The following RNF216 variants were observed in gnomAD, a reference collection of about 807,000 sequenced individuals.
RNF216 encodes ring finger protein 216.
A neutral mutation model predicts 110.8 loss-of-function variants in RNF216; 72 were observed. The observed-to-expected ratio is 0.65, with a 90% CI of 0.54 to 0.79. The LOEUF is 0.79. Among genes scored for constraint, RNF216 ranks in the 30% least tolerant of loss-of-function variants. RNF216 has a pLI of 0.00. For missense variants in RNF216, 1,342 were observed against 1,141.2 expected, an observed-to-expected ratio of 1.18 and a Z score of -2.54; for synonymous variants, 495 against 407.5, an observed-to-expected ratio of 1.21 and a Z score of -2.59.
At chr7:5,742,586 CTTTTTTTTTTTTT>C (rs59545890) in intron 3 of RNF216, among the ~76,000 whole-genome samples, 2,053 of 66,216 alleles carry the variant, frequency 0.031, 63 homozygotes, top group African/African-American at 0.12. Context: ...GGTGAAAAAT[CTTTTTTTTTTTTT>C]TTTTTTTTTT....
intron 13 of RNF216, among the ~76,000 whole-genome samples, chr7:5,661,191 C>T (rs1232514102): frequency 1.3e-5 from 2 of 152,054 alleles, no homozygotes; most frequent in Non-Finnish European, 2.9e-5. Context: ...CTGCCCACCT[C>T]GGCCTCCCAA....
At chr7:5,734,474 TCTTTA>T (rs1466189233) in intron 5 of RNF216, among the ~76,000 whole-genome samples, 3 of 152,296 alleles carry the variant, frequency 2.0e-5, no homozygotes, top group East Asian at 1.9e-4. Flanking sequence ...GAGCTGTGCA[TCTTTA>T]CTTTGTTCAT....
At position 5,741,567 on chromosome 7, in the gene RNF216, G is replaced by C. The variant is rs145281287; in HGVS notation, c.450C>G (p.Gly150=). The change falls in exon 4 of 17, where the codon GGC becomes GGG. Residue 150 remains glycine, a synonymous_variant. Coordinates refer to ENST00000389902, the MANE Select transcript of RNF216 (RefSeq NM_207111.4). The part of the protein sequence containing the change: ...PGISEFTKPS[G]QTEREPKPGP... Reference sequence around the variant, plus strand: ...CAGGCTTGGGTTCTCTTTCTGTTTGGCCACTTGGCTTAGTGAATTCAGAGA... The same window carrying C: ...CAGGCTTGGGTTCTCTTTCTGTTTGCCCACTTGGCTTAGTGAATTCAGAGA... 3.1e-6 allele frequency: 5 copies of C among 1,614,058 alleles called. No individual in the cohort carries two copies. The highest frequency in any genetic ancestry group is 4.2e-6 in the Non-Finnish European group (5 of 1,180,022).
intron 14 of RNF216, among the ~76,000 whole-genome samples, chr7:5,645,264 G>T (rs1401242223): frequency 6.6e-6 from 1 of 152,176 alleles, no homozygotes; most frequent in Non-Finnish European, 1.5e-5. Flanking sequence ...TGGATGTATA[G>T]ACTCTTGTTC....
intron 15 of RNF216, among the ~76,000 whole-genome samples, chr7:5,629,257 G>A (rs117438505): frequency 1.3e-5 from 2 of 148,548 alleles, no homozygotes; most frequent in African/African-American, 2.5e-5. Context: ...CAGCAGGATC[G>A]CTTGAGGCCA....
rs34089106 is a variant in RNF216 at position 5,638,633 on chromosome 7, ATTT to A, written c.2382+2518_2382+2520del. Among the ~76,000 whole-genome samples the A allele has an allele frequency of 7.2e-5, 10 of 139,314 alleles. No individual in the cohort carries two copies. In the East Asian group the frequency reaches 1.9e-3, roughly 26 times the overall value. 91.4% of individuals were successfully genotyped at this position (139,314 alleles called of 152,430 possible). On this transcript the variant is annotated intron_variant, in intron 15 of 16. Transcript: ENST00000389902. ...ATTGTGGCCAGGTAGAAAAGCAAGCATTTTTTTTTTTTTTTTGGGGGGGAGACA... is the reference window on the plus strand; with the variant it reads ...ATTGTGGCCAGGTAGAAAAGCAAGCATTTTTTTTTTTTTGGGGGGGAGACA...
chr7:5,739,148 A>G (rs1794608398), intron 5 of RNF216, 128 bp downstream of exon 5: 1 of 1,140,060 alleles, frequency 8.8e-7, no homozygotes, highest in African/African-American at 1.6e-5. Flanking sequence ...TGATAGTTGC[A>G]TAATAATGTG....
At chr7:5,743,476 G>T (rs906560093) in intron 3 of RNF216, among the ~76,000 whole-genome samples, 1 of 152,040 alleles carries the variant, frequency 6.6e-6, no homozygotes, top group Non-Finnish European at 1.5e-5. Flanking sequence ...CTCTACAACT[G>T]ACCCCTACCA....
In RNF216 at chr7:5,622,974, C is replaced by T. The variant is rs1562762694; in HGVS notation, c.2658G>A (p.Pro886=). 3.7e-6 allele frequency: 6 copies of T among 1,614,004 alleles called. No individual in the cohort carries two copies. The highest frequency in any genetic ancestry group is 5.1e-6 in the Non-Finnish European group (6 of 1,180,002). ...GCACGTTGGGCAGAGGGGGCACGTA[C>T]GGGGCTGGGATAGGCCCCATGTTGA... ...FPLNMGPIPA[P]YVPPLPNVRV... is the part of the protein sequence containing the mutation. The change falls in exon 17 of 17, where the codon CCG becomes CCA. Residue 886 remains proline (P), a synonymous_variant. Transcript: ENST00000389902.
chr7:5,625,057 G>A (rs1290808417), intron 15 of RNF216, among the ~76,000 whole-genome samples: 5 of 152,252 alleles, frequency 3.3e-5, no homozygotes, highest in Non-Finnish European at 7.3e-5. Context: ...GAAAAAACCC[G>A]CCAAGTGGGT....
intron 13 of RNF216, among the ~76,000 whole-genome samples, chr7:5,681,569 CCTT>C (rs1314904787): frequency 3.3e-5 from 5 of 152,180 alleles, no homozygotes; most frequent in East Asian, 3.8e-4. Flanking sequence ...TCTTCCTCCT[CCTT>C]GATTAACCCT....
chr7:5,769,329 G>A (rs1796372070), intron 1 of RNF216, among the ~76,000 whole-genome samples: 2 of 152,024 alleles, frequency 1.3e-5, no homozygotes, highest in East Asian at 3.9e-4. Flanking sequence ...TGTTGGCCAG[G>A]ATGGTCTCAA....
At chr7:5,780,723 A>T (rs1797036194) in intron 1 of RNF216, among the ~76,000 whole-genome samples, 1 of 152,104 alleles carries the variant, frequency 6.6e-6, no homozygotes. Flanking sequence ...GGAGAAAAAA[A>T]AAAAAGTAAA....
intron 1 of RNF216, among the ~76,000 whole-genome samples, chr7:5,776,034 TC>T (rs1485006743): frequency 2.0e-5 from 3 of 152,100 alleles, no homozygotes; most frequent in South Asian, 2.1e-4. Context: ...TCCTAACCAT[TC>T]TTTGGATATC....
intron 13 of RNF216, among the ~76,000 whole-genome samples, chr7:5,661,710 T>C (rs767378243): frequency 1.3e-5 from 2 of 151,978 alleles, no homozygotes; most frequent in Non-Finnish European, 2.9e-5. Flanking sequence ...GGCTGAGGCA[T>C]GAGAATCGTT....
intron 3 of RNF216, among the ~76,000 whole-genome samples, chr7:5,742,530 G>A (rs1268061656): frequency 6.9e-6 from 1 of 145,796 alleles, no homozygotes; most frequent in Admixed American, 6.8e-5. Flanking sequence ...TTCCCTGTAA[G>A]ACCGGCAAAC....
intron 13 of RNF216, among the ~76,000 whole-genome samples, chr7:5,709,644 G>C (rs994258168): frequency 6.6e-6 from 1 of 152,092 alleles, no homozygotes; most frequent in Non-Finnish European, 1.5e-5. Flanking sequence ...AAACATATGT[G>C]GTGTTCCTAT....
chr7:5,716,080 TG>T (rs1307208469), intron 10 of RNF216, among the ~76,000 whole-genome samples: 1 of 152,130 alleles, frequency 6.6e-6, no homozygotes, highest in South Asian at 2.1e-4. Context: ...TTATTAGAAA[TG>T]GGGTGCTGCT....
chr7:5,705,682 G>A (rs1404324353), intron 13 of RNF216, among the ~76,000 whole-genome samples: 1 of 152,120 alleles, frequency 6.6e-6, no homozygotes, highest in Non-Finnish European at 1.5e-5. Context: ...GCCAAGGCAG[G>A]CAGATCACCT....
Sources: gnomAD v4.1 joint callset for allele counts (sites outside exome capture counted in the v4.1 genomes callset) on GRCh38, gnomAD v4.1.1 for gene constraint, MANE v1.5 for transcripts, NCBI Gene and HGNC (gene_info 2026-07-23, HGNC 2026-07-21) for gene names.